The following HDAC9 variants were observed in gnomAD, a reference collection of about 807,000 sequenced individuals.
HDAC9 encodes histone deacetylase 9.
Under a neutral mutation model 139.4 loss-of-function variants are expected in HDAC9, and 41 were observed. That is an observed-to-expected ratio of 0.29 (90% CI 0.23 to 0.38). The LOEUF (loss-of-function observed/expected upper bound fraction) is 0.38, where lower values mean the gene tolerates loss of function less well. HDAC9 is among the 10% of genes least tolerant of loss of function. The pLI, the probability that HDAC9 is intolerant of heterozygous loss-of-function variation, is 1.00. For synonymous variants in HDAC9, 517 were observed against 476.2 expected (o/e 1.09, Z -1.12); for missense variants, 1,147 against 1,297.0 (o/e 0.88, Z 1.78).
At chr7:18,939,565 G>A (rs140843715) in intron 23 of HDAC9, among the ~76,000 whole-genome samples, 1 of 152,094 alleles carries the variant, frequency 6.6e-6, no homozygotes, top group East Asian at 1.9e-4. Flanking sequence ...TTTTTTCCAG[G>A]TCAAAGATCA....
intron 12 of HDAC9, among the ~76,000 whole-genome samples, chr7:18,725,606 A>G (rs1785482881): frequency 6.6e-6 from 1 of 152,168 alleles, no homozygotes; most frequent in African/African-American, 2.4e-5. Flanking sequence ...CATGTCTTAC[A>G]TGGGAGCTGA....
chr7:18,502,362 A>T (rs1714885930), intron 2 of HDAC9: 1 of 152,132 alleles, frequency 6.6e-6, no homozygotes, highest in African/African-American at 2.4e-5. Context: ...GAGGAGTGGG[A>T]CCCATGACTG....
At chr7:18,699,598 C>A (rs895894685) in intron 12 of HDAC9, among the ~76,000 whole-genome samples, 1 of 152,018 alleles carries the variant, frequency 6.6e-6, no homozygotes, top group Non-Finnish European at 1.5e-5. Flanking sequence ...AAAATCTGAA[C>A]ATGTTTTCCC....
At chr7:18,290,610 T>G (rs1452119354) in intron 1 of HDAC9, 2 of 449,368 alleles carry the variant, frequency 4.5e-6, no homozygotes, top group Non-Finnish European at 9.0e-6. Context: ...CTTTAATAAC[T>G]TGTAGGCTGT....
intron 1 of HDAC9, among the ~76,000 whole-genome samples, chr7:18,360,802 C>T (rs1375558688): frequency 6.6e-6 from 1 of 152,016 alleles, no homozygotes; most frequent in African/African-American, 2.4e-5. Context: ...TTTTTTTATA[C>T]TTACTTACTT....
chr7:18,247,243 A>G (rs1050131516), intron 2 of HDAC9, among the ~76,000 whole-genome samples: 2 of 152,040 alleles, frequency 1.3e-5, no homozygotes, highest in Non-Finnish European at 2.9e-5. Context: ...AGCTATGAGA[A>G]TGGGGGAAAT....
At chr7:18,669,890 T>C (rs1297503942) in intron 12 of HDAC9, among the ~76,000 whole-genome samples, 3 of 151,910 alleles carry the variant, frequency 2.0e-5, no homozygotes, top group African/African-American at 7.2e-5. Flanking sequence ...GTTGATGAAG[T>C]GTAGACTGCT....
chr7:18,866,317 G>T (rs1219721632), intron 21 of HDAC9, among the ~76,000 whole-genome samples: 1 of 151,932 alleles, frequency 6.6e-6, no homozygotes, highest in African/African-American at 2.4e-5. Context: ...TTTCACCTTA[G>T]TCCTTATTAC....
chr7:18,667,757 T>C, intron 12 of HDAC9: 3 of 984,726 alleles, frequency 3.0e-6, no homozygotes, highest in Non-Finnish European at 3.6e-6. Context: ...ACTCTATGAA[T>C]TGATTTATTG....
chr7:18,767,246 C>T, intron 16 of HDAC9, 91 bp downstream of exon 16: 2 of 691,638 alleles, frequency 2.9e-6, no homozygotes, highest in Non-Finnish European at 4.5e-6. Context: ...AGGGTTATTT[C>T]TCAGTAAAAG....
In HDAC9 at chr7:18,232,403, A is replaced by G. The variant is rs138327517; in HGVS notation, c.25+70054A>G. ...TGTGCCCTTTAACCAAGTTTGTCCC[A>G]AGCCTCCACATCTTAGGAAAATTAT... On this transcript the variant is annotated intron_variant, in intron 2 of 12. Coordinates refer to the HDAC9 transcript ENST00000417496. 1.8e-3 allele frequency among the ~76,000 whole-genome samples: 280 copies of G among 152,278 alleles called. 1 individual carries two copies. The highest frequency in any genetic ancestry group is 6.4e-3 in the African/African-American group (267 of 41,546).
chr7:18,936,049 C>T (rs1232120202), intron 23 of HDAC9, 107 bp downstream of exon 23: 2 of 1,034,772 alleles, frequency 1.9e-6, no homozygotes, highest in East Asian at 4.8e-5. Flanking sequence ...CTTAACATTG[C>T]TCTTACCATT....
chr7:18,529,025 A>G (rs937486333), intron 2 of HDAC9, among the ~76,000 whole-genome samples: 1 of 152,074 alleles, frequency 6.6e-6, no homozygotes, highest in Non-Finnish European at 1.5e-5. Flanking sequence ...TGTCATGTGA[A>G]TCTCTTTATT....
intron 1 of HDAC9, among the ~76,000 whole-genome samples, chr7:18,339,272 T>A (rs1021350011): frequency 6.6e-6 from 1 of 151,462 alleles, no homozygotes; most frequent in Non-Finnish European, 1.5e-5. Flanking sequence ...TGATTTCCAC[T>A]CTGATCTTCA....
intron 2 of HDAC9, among the ~76,000 whole-genome samples, chr7:18,177,230 G>GT (rs1788989981): frequency 6.6e-6 from 1 of 152,166 alleles, no homozygotes; most frequent in African/African-American, 2.4e-5. Flanking sequence ...GGGAAATTGG[G>GT]TACACCCTGT....
intron 1 of HDAC9, among the ~76,000 whole-genome samples, chr7:18,134,969 A>G (rs1460357861): frequency 6.6e-6 from 1 of 152,194 alleles, no homozygotes; most frequent in Non-Finnish European, 1.5e-5. Flanking sequence ...ACGAATATTC[A>G]CTATAGATTT....
chr7:18,290,520 G>A (rs1421123251), intron 1 of HDAC9: 3 of 456,472 alleles, frequency 6.6e-6, no homozygotes, highest in African/African-American at 6.0e-5. Flanking sequence ...AAACGGGTAA[G>A]TTTCTTTATT....
At chr7:18,695,441 T>C (rs1782976263) in intron 12 of HDAC9, among the ~76,000 whole-genome samples, 1 of 152,198 alleles carries the variant, frequency 6.6e-6, no homozygotes, top group Non-Finnish European at 1.5e-5. Flanking sequence ...ACACAGTCCA[T>C]GTTGACTCAA....
chr7:18,614,843 G>A (rs1838147000), intron 6 of HDAC9, among the ~76,000 whole-genome samples: 1 of 152,134 alleles, frequency 6.6e-6, no homozygotes, highest in African/African-American at 2.4e-5. Context: ...AAGGGTTTTA[G>A]CTGCCAAATA....
Sources: allele counts gnomAD v4.1 joint callset (sites outside exome capture counted in the v4.1 genomes callset), GRCh38; gene constraint gnomAD v4.1.1; transcripts MANE v1.5; gene names NCBI Gene and HGNC (gene_info 2026-07-23, HGNC 2026-07-21).